OSBPL1A: variants seen among roughly 807,000 people sequenced by gnomAD.
OSBPL1A encodes the protein oxysterol binding protein like 1A, also known as oxysterol-binding protein-related protein 1.
In OSBPL1A, 80 loss-of-function variants were observed where a neutral mutation model predicts 137.1. The observed-to-expected ratio is 0.58, with a 90% CI of 0.49 to 0.70. OSBPL1A has a LOEUF of 0.70. Ranked by LOEUF, OSBPL1A falls within the 30% of genes least tolerant of loss-of-function variation. OSBPL1A has a pLI of 0.00. For missense variants in OSBPL1A, 970 were observed against 1,129.4 expected (o/e 0.86, Z 2.02); for synonymous variants, 365 against 389.7 (o/e 0.94, Z 0.75).
intron 15 of OSBPL1A, among the ~76,000 whole-genome samples, chr18:24,249,037 A>C (rs1449313347): frequency 6.6e-6 from 1 of 152,216 alleles, no homozygotes; most frequent in East Asian, 1.9e-4. Flanking sequence ...ATACACATTT[A>C]CTCCAATGCT....
chr18:24,337,570 C>CAAA (rs1225881914), intron 5 of OSBPL1A, among the ~76,000 whole-genome samples: 12 of 84,458 alleles, frequency 1.4e-4, no homozygotes, highest in African/African-American at 4.5e-4. Context: ...AACTCTGTCT[C>CAAA]AAAAAAAAAA....
intron 27 of OSBPL1A, among the ~76,000 whole-genome samples, chr18:24,164,365 G>A (rs1213094365): frequency 6.7e-6 from 1 of 149,036 alleles, no homozygotes; most frequent in African/African-American, 2.5e-5. Context: ...TCATACACTC[G>A]TAGTGAAAAT....
At chr18:24,234,058 A>C (rs1432869848) in intron 16 of OSBPL1A, among the ~76,000 whole-genome samples, 2 of 152,220 alleles carry the variant, frequency 1.3e-5, no homozygotes, top group African/African-American at 4.8e-5. Context: ...AAGGCTACCC[A>C]GGAGAAGAGG....
chr18:24,318,495 A>T, intron 9 of OSBPL1A, 106 bp downstream of exon 9: 1 of 965,830 alleles, frequency 1.0e-6, no homozygotes, highest in Non-Finnish European at 1.6e-6. Flanking sequence ...AAGAGCGATT[A>T]AATCACATAT....
chr18:24,385,201 G>A (rs1445101687), intron 1 of OSBPL1A, among the ~76,000 whole-genome samples: 4 of 151,920 alleles, frequency 2.6e-5, no homozygotes, highest in African/African-American at 7.2e-5. Context: ...TGATCCGCCC[G>A]CCCCGGCCTC....
chr18:24,297,859 T>C (rs539127916), intron 14 of OSBPL1A, among the ~76,000 whole-genome samples: 2 of 152,306 alleles, frequency 1.3e-5, no homozygotes, highest in Admixed American at 6.5e-5. Flanking sequence ...AGAATGTATA[T>C]TCTGCAGTTG....
chr18:24,337,570 CAA>C (rs1225881914), intron 5 of OSBPL1A, among the ~76,000 whole-genome samples: 11 of 84,440 alleles, frequency 1.3e-4, no homozygotes, highest in African/African-American at 1.5e-4. Context: ...AACTCTGTCT[CAA>C]AAAAAAAAAA....
chr18:24,391,169 G>A (rs1907329496), intron 1 of OSBPL1A, among the ~76,000 whole-genome samples: 1 of 152,174 alleles, frequency 6.6e-6, no homozygotes, highest in South Asian at 2.1e-4. Flanking sequence ...ATCATGCTAA[G>A]TGAAATAAAT....
intron 14 of OSBPL1A, among the ~76,000 whole-genome samples, chr18:24,292,967 G>A (rs1379027107): frequency 6.6e-6 from 1 of 151,818 alleles, no homozygotes; most frequent in African/African-American, 2.4e-5. Context: ...TTAGCCGGGT[G>A]TGGTGGCTCG....
intron 14 of OSBPL1A, among the ~76,000 whole-genome samples, chr18:24,291,781 A>C (rs920384292): frequency 6.6e-6 from 1 of 151,552 alleles, no homozygotes; most frequent in Non-Finnish European, 1.5e-5. Flanking sequence ...AAAAAAAAAA[A>C]CGAGAGATTG....
chr18:24,363,587 C>T (rs1000351095), intron 4 of OSBPL1A, among the ~76,000 whole-genome samples: 3 of 151,814 alleles, frequency 2.0e-5, no homozygotes, highest in African/African-American at 7.3e-5. Context: ...GCTGGGATTA[C>T]AGGAGTATGC....
At chr18:24,183,373 C>T (rs2086658907) in intron 18 of OSBPL1A, among the ~76,000 whole-genome samples, 1 of 151,986 alleles carries the variant, frequency 6.6e-6, no homozygotes, top group Non-Finnish European at 1.5e-5. Flanking sequence ...TGTATTTACA[C>T]ACATATGCAT....
chr18:24,313,637 C>G (rs1038817952), intron 12 of OSBPL1A, among the ~76,000 whole-genome samples: 3 of 152,134 alleles, frequency 2.0e-5, no homozygotes, highest in Admixed American at 6.5e-5. Flanking sequence ...ATCTTACAAT[C>G]TTTAGTTTCC....
intron 17 of OSBPL1A, among the ~76,000 whole-genome samples, chr18:24,207,937 G>GT (rs2087423444): frequency 6.6e-6 from 1 of 152,118 alleles, no homozygotes; most frequent in Admixed American, 6.6e-5. Flanking sequence ...CAGAGACAAG[G>GT]TTTTGCCATG....
At chr18:24,313,514 GTTTAA>G (rs1157786176) in intron 12 of OSBPL1A, among the ~76,000 whole-genome samples, 1 of 152,068 alleles carries the variant, frequency 6.6e-6, no homozygotes, top group Admixed American at 6.6e-5. Flanking sequence ...TGCTGCTGTT[GTTTAA>G]TTTATCACTA....
At chr18:24,287,817 T>TAAAATAAAATA (rs1384551662) in intron 14 of OSBPL1A, among the ~76,000 whole-genome samples, 112 of 151,910 alleles carry the variant, frequency 7.4e-4, no homozygotes, top group Non-Finnish European at 1.2e-3. Context: ...TAAAATAAAA[T>TAAAATAAAATA]AGACTTTGGC....
At chr18:24,211,059 G>A (rs1015498003) in intron 17 of OSBPL1A, among the ~76,000 whole-genome samples, 6 of 151,948 alleles carry the variant, frequency 3.9e-5, no homozygotes, top group African/African-American at 1.2e-4. Context: ...TCTGCCTCCC[G>A]GGTTCAAGTG....
intron 17 of OSBPL1A, among the ~76,000 whole-genome samples, chr18:24,207,182 C>G (rs551361473): frequency 2.8e-4 from 42 of 152,318 alleles, no homozygotes; most frequent in African/African-American, 9.9e-4. Flanking sequence ...CTCCCAGGTT[C>G]AAGCGATTCT....
chr18:24,293,509 C>T lies in OSBPL1A; in HGVS notation c.1174+10128G>A, dbSNP rs558264073. On this transcript the variant is annotated intron_variant, in intron 14 of 27. Coordinates refer to ENST00000319481, the MANE Select transcript of OSBPL1A (RefSeq NM_080597.4). ...TGAGGCTGCAGTACACAAAGCAGGG[C>T]AGAGCAGACGAGGAGGAGCAAACCA... Among the ~76,000 whole-genome samples, 12 of 152,294 alleles carry T rather than the reference C, an allele frequency of 7.9e-5. No homozygotes were observed. The South Asian group carries it at 2.1e-3, about 26-fold the overall frequency.
Sources: gnomAD v4.1 joint callset for allele counts (sites outside exome capture counted in the v4.1 genomes callset) on GRCh38, gnomAD v4.1.1 for gene constraint, MANE v1.5 for transcripts, NCBI Gene and HGNC (gene_info 2026-07-23, HGNC 2026-07-21) for gene names.